The following SCAI variants were observed in gnomAD, a reference collection of about 807,000 sequenced individuals.
SCAI encodes suppressor of cancer cell invasion.
SCAI carries 24 observed loss-of-function variants against 92.2 expected under a neutral mutation model. That is an observed-to-expected ratio of 0.26 (90% CI 0.19 to 0.37). SCAI has a LOEUF of 0.37. Among genes scored for constraint, SCAI ranks in the 10% least tolerant of loss-of-function variants. SCAI has a pLI of 1.00. For missense variants in SCAI, 450 were observed against 736.2 expected, an observed-to-expected ratio of 0.61 and a Z score of 4.50; for synonymous variants, 261 against 258.6, an observed-to-expected ratio of 1.01 and a Z score of -0.09.
At chr9:125,086,019 A>T (rs1163856624) in intron 2 of SCAI, among the ~76,000 whole-genome samples, 3 of 152,170 alleles carry the variant, frequency 2.0e-5, no homozygotes, top group Non-Finnish European at 4.4e-5. Flanking sequence ...GCCAATTTAA[A>T]AGTTATTAAA....
At chr9:125,103,576 C>T (rs995996566) in intron 2 of SCAI, among the ~76,000 whole-genome samples, 6 of 152,328 alleles carry the variant, frequency 3.9e-5, no homozygotes, top group African/African-American at 1.2e-4. Flanking sequence ...GCGGTCCTTA[C>T]TATTCCAACC....
At chr9:124,959,441 T>C (rs976564783) in intron 17 of SCAI, among the ~76,000 whole-genome samples, 7 of 149,106 alleles carry the variant, frequency 4.7e-5, no homozygotes, top group Admixed American at 4.0e-4. Flanking sequence ...TACAACCACT[T>C]TGAGATAAGG....
intron 2 of SCAI, 50 bp downstream of exon 2, chr9:125,142,583 A>G (rs755681111): frequency 7.8e-6 from 11 of 1,417,386 alleles, no homozygotes; most frequent in Non-Finnish European, 1.1e-5. Flanking sequence ...GCACAGGTGC[A>G]GCCAAGCAAA....
At position 125,109,121 on chromosome 9, in the gene SCAI, G is replaced by C. The variant is rs1216553974; in HGVS notation, c.98+33512C>G. Among the ~76,000 whole-genome samples, 3 of 152,218 alleles carry C rather than the reference G, an allele frequency of 2.0e-5. No individual in the cohort carries two copies. In the East Asian group the frequency reaches 5.8e-4, roughly 29 times the overall value. On this transcript the variant is annotated intron_variant, in intron 2 of 17. Transcript: ENST00000336505. ...CTCAGGGTTAAATGGATTAAGGGCA[G>C]TGCAAGATGTGCTTTCTTAAACAGA...
At chr9:124,969,038 G>T (rs1588122900) in intron 17 of SCAI, among the ~76,000 whole-genome samples, 2 of 151,962 alleles carry the variant, frequency 1.3e-5, no homozygotes, top group East Asian at 3.9e-4. Context: ...AAACCCCTGG[G>T]CTCAAGCAAT....
chr9:125,069,874 G>A (rs1008487007), intron 2 of SCAI, among the ~76,000 whole-genome samples: 4 of 151,788 alleles, frequency 2.6e-5, no homozygotes, highest in Non-Finnish European at 2.9e-5. Context: ...TGCCCACCTC[G>A]GTCTCCCAAA....
intron 2 of SCAI, among the ~76,000 whole-genome samples, chr9:125,102,392 G>A (rs550028547): frequency 6.6e-6 from 1 of 152,082 alleles, no homozygotes; most frequent in Admixed American, 6.5e-5. Flanking sequence ...ATTTTCCCCT[G>A]CAGCCTCTAT....
chr9:125,090,944 C>T (rs1458370954), intron 2 of SCAI, among the ~76,000 whole-genome samples: 1 of 152,098 alleles, frequency 6.6e-6, no homozygotes, highest in Non-Finnish European at 1.5e-5. Flanking sequence ...TGGTGAAACC[C>T]CGTCTCTACT....
chr9:125,071,471 T>C (rs1427678868), intron 2 of SCAI, among the ~76,000 whole-genome samples: 1 of 152,134 alleles, frequency 6.6e-6, no homozygotes, highest in Non-Finnish European at 1.5e-5. Context: ...TGTTGATCAA[T>C]GTATAAAGAA....
rs1831209636 is a variant in SCAI, at chr9:124,950,083, C to T, written c.*2724G>A. 1 of 152,132 alleles carries T rather than the reference C, an allele frequency of 6.6e-6. No individual in the cohort carries two copies. Among genetic ancestry groups the T allele is most frequent in the Non-Finnish European group, 1.5e-5 (1 of 68,028 alleles). 9.4% of individuals were successfully genotyped at this position (152,132 alleles called of 1,614,324 possible). Reference sequence around the variant, plus strand: ...CTAATCATAAAAGCTCTAATTTCCTCAGGAGAGTCTCTGTCTGTACTAGTT... The same window carrying T: ...CTAATCATAAAAGCTCTAATTTCCTTAGGAGAGTCTCTGTCTGTACTAGTT... On this transcript the variant is annotated 3_prime_UTR_variant, in exon 18 of 18. Coordinates refer to ENST00000336505, the MANE Select transcript of SCAI (RefSeq NM_001144877.3).
chr9:124,998,304 T>G (rs1207461662), intron 13 of SCAI, among the ~76,000 whole-genome samples: 1 of 152,036 alleles, frequency 6.6e-6, no homozygotes, highest in East Asian at 1.9e-4. Flanking sequence ...AATAAAAAAA[T>G]TAGCCAGGCG....
intron 3 of SCAI, among the ~76,000 whole-genome samples, chr9:125,032,195 A>ATATTTTTTTTTT (rs1177865840): frequency 1.8e-4 from 18 of 99,454 alleles, no homozygotes; most frequent in African/African-American, 7.6e-4. Context: ...ATATATATAT[A>ATATTTTTTTTTT]TTTTTTTTTT....
At chr9:125,103,585 CCACAATAATGAAGTTA>C (rs1293970179) in intron 2 of SCAI, among the ~76,000 whole-genome samples, 2 of 152,172 alleles carry the variant, frequency 1.3e-5, no homozygotes, top group Non-Finnish European at 2.9e-5. Context: ...ACTATTCCAA[CCACAATAATGAAGTTA>C]CAGTCTCAGG....
At chr9:125,112,104 T>C (rs1463576251) in intron 2 of SCAI, among the ~76,000 whole-genome samples, 1 of 152,050 alleles carries the variant, frequency 6.6e-6, no homozygotes, top group African/African-American at 2.4e-5. Context: ...CAGCCAGACT[T>C]GAAAAACCTT....
intron 6 of SCAI, among the ~76,000 whole-genome samples, chr9:125,025,167 C>T (rs2131080878): frequency 6.6e-6 from 1 of 152,310 alleles, no homozygotes; most frequent in African/African-American, 2.4e-5. Flanking sequence ...ACAAACTGAA[C>T]AAAGCCCCTC....
At chr9:125,123,239 T>C (rs1166289919) in intron 2 of SCAI, among the ~76,000 whole-genome samples, 1 of 147,216 alleles carries the variant, frequency 6.8e-6, no homozygotes. Context: ...GGCACGTGCC[T>C]GTAGTCCCAG....
intron 2 of SCAI, among the ~76,000 whole-genome samples, chr9:125,115,878 T>C (rs1835035476): frequency 6.6e-6 from 1 of 152,198 alleles, no homozygotes; most frequent in Non-Finnish European, 1.5e-5. Flanking sequence ...CAAAGACATT[T>C]ATTTGTAATT....
intron 3 of SCAI, among the ~76,000 whole-genome samples, chr9:125,041,801 C>T (rs399346): frequency 0.026 from 3,953 of 152,220 alleles, 159 homozygotes; most frequent in African/African-American, 0.09. Context: ...CTATTCCAGT[C>T]TAAATCAGTT....
intron 3 of SCAI, among the ~76,000 whole-genome samples, chr9:125,031,445 T>G (rs1833072915): frequency 6.6e-6 from 1 of 151,072 alleles, no homozygotes; most frequent in Non-Finnish European, 1.5e-5. Context: ...GTATTTTTAG[T>G]AGAGACAGGG....
Sources: gnomAD v4.1 joint callset for allele counts (sites outside exome capture counted in the v4.1 genomes callset) on GRCh38, gnomAD v4.1.1 for gene constraint, MANE v1.5 for transcripts, NCBI Gene and HGNC (gene_info 2026-07-23, HGNC 2026-07-21) for gene names.